Variants in CPAMD8 observed in about 807,000 individuals in gnomAD.
The protein encoded by CPAMD8 is C3 and PZP like alpha-2-macroglobulin domain containing 8.
A neutral mutation model predicts 224.7 loss-of-function variants in CPAMD8; 146 were observed. The ratio of observed to expected loss-of-function variants is 0.65; its 90% CI spans 0.57 to 0.75. The LOEUF (loss-of-function observed/expected upper bound fraction) is 0.75, where lower values mean the gene tolerates loss of function less well. Ranked by LOEUF, CPAMD8 falls within the 30% of genes least tolerant of loss-of-function variation. CPAMD8 has a pLI of 0.00. For synonymous variants in CPAMD8, 966 were observed against 1,044.6 expected, an observed-to-expected ratio of 0.92 and a Z score of 1.45; for missense variants, 2,301 against 2,537.5, an observed-to-expected ratio of 0.91 and a Z score of 2.00.
At position 16,925,211 on chromosome 19, in the gene CPAMD8, C is replaced by T. The variant is rs369535257; in HGVS notation, c.3532G>A (p.Asp1178Asn). ...TCCCCAATACCTTGTACTAGGTAGT[C>T]GGTGGTCTCTCTCTCCACCTCAGGG... is the stretch of plus-strand genomic sequence containing the variant. ...LSPEVERETT[D>N]YLVQGYQRQL... The change falls in exon 26 of 42, where the codon GAC (aspartate) becomes AAC (asparagine). Residue 1178 changes from aspartate (D) to asparagine (N), a missense_variant. Asp to Asn is a conservative substitution (Grantham distance 23). This residue lies in a region of CPAMD8 where 1,709 missense variants were observed against 1,753.2 expected (regional missense o/e 0.97). Coordinates refer to ENST00000443236, the MANE Select transcript of CPAMD8 (RefSeq NM_015692.5). The T allele has an allele frequency of 1.4e-5, 23 of 1,614,060 alleles. No homozygotes were observed. The highest frequency in any genetic ancestry group is 1.3e-4 in the Admixed American group (8 of 60,010).
chr19:16,895,880 C>A (rs1202788139), intron 41 of CPAMD8: 8 of 549,948 alleles, frequency 1.5e-5, no homozygotes, highest in South Asian at 9.2e-5. Context: ...ATCCTTGACC[C>A]GTATGCGCGC....
At chr19:16,991,576 C>T (rs536948527) in intron 12 of CPAMD8, among the ~76,000 whole-genome samples, 3 of 152,014 alleles carry the variant, frequency 2.0e-5, no homozygotes, top group South Asian at 4.2e-4. Flanking sequence ...GACAGTGGGC[C>T]GGGTACGGTG....
Position 16,929,135 on chromosome 19 carries a change from C to T in CPAMD8, c.2951G>A (p.Arg984His), listed in dbSNP as rs770629728. The T allele has an allele frequency of 4.9e-5, 79 of 1,613,922 alleles. 1 individual carries two copies. The highest frequency in any genetic ancestry group is 6.7e-5 in the East Asian group (3 of 44,900). ...DVAVRAHNDA[R>H]VALSSGPQDT... is the part of the protein sequence containing the mutation. ...CTGGGGCCCAGAAGACAAGGCCACA[C>T]GGGCATCATTGTGAGCTCGCACAGC... The change falls in exon 24 of 42, where the codon CGT (arginine) becomes CAT (histidine). Residue 984 changes from arginine to histidine, a missense_variant. By Grantham distance (29) the Arg-to-His change is conservative. Coordinates refer to ENST00000443236, the MANE Select transcript of CPAMD8 (RefSeq NM_015692.5).
intron 13 of CPAMD8, among the ~76,000 whole-genome samples, chr19:16,988,087 C>T (rs1174588045): frequency 6.6e-6 from 1 of 151,924 alleles, no homozygotes; most frequent in East Asian, 1.9e-4. Context: ...AAATAATAGA[C>T]CCAGGAAAAA....
At chr19:16,925,416 T>A in intron 25 of CPAMD8, 44 bp from the exon 26 acceptor site, 2 of 1,499,310 alleles carry the variant, frequency 1.3e-6, no homozygotes, top group Non-Finnish European at 1.9e-6. Context: ...CTGTCCCAGT[T>A]CAGTAGAGAA....
At chr19:16,974,520 G>T (rs957818860) in intron 17 of CPAMD8, among the ~76,000 whole-genome samples, 2 of 151,750 alleles carry the variant, frequency 1.3e-5, no homozygotes, top group African/African-American at 4.8e-5. Context: ...GGTTTTCCTC[G>T]CAGCAAAGCA....
In CPAMD8 at chr19:16,952,212, C is replaced by G. The variant is rs577982809; in HGVS notation, c.2277-12G>C. ...CACCAGATGGGTCACTGCGGAGAGA[C>G]AGACAGCCATGATGGGGGGCCCTTC... On this transcript the variant is annotated splice_polypyrimidine_tract_variant and intron_variant, in intron 19 of 41. Coordinates refer to ENST00000443236, the MANE Select transcript of CPAMD8 (RefSeq NM_015692.5). 3 of 1,442,692 alleles carry G rather than the reference C, an allele frequency of 2.1e-6. No homozygotes were observed. Among genetic ancestry groups the G allele is most frequent in the African/African-American group, 1.4e-5 (1 of 70,842 alleles). 89.4% of individuals were successfully genotyped at this position (1,442,692 alleles called of 1,614,324 possible).
At chr19:16,908,853 G>A (rs1027805645) in intron 29 of CPAMD8, among the ~76,000 whole-genome samples, 1 of 152,134 alleles carries the variant, frequency 6.6e-6, no homozygotes, top group African/African-American at 2.4e-5. Flanking sequence ...GCCTGGGGGT[G>A]GGGGAAGGTT....
At position 16,958,311 on chromosome 19, in the gene CPAMD8, C is replaced by T. The variant is rs533977380; in HGVS notation, c.2214-396G>A. 3.3e-5 allele frequency among the ~76,000 whole-genome samples: 5 copies of T among 152,142 alleles called. No individual in the cohort carries two copies. In the South Asian group the frequency reaches 6.2e-4, roughly 19 times the overall value. ...CCTCAAGTAGACCTGTGTCTGTTCC[C>T]CCTTTTGTTTCCATGTGTTCTCATC... On this transcript the variant is annotated intron_variant, in intron 18 of 41. Coordinates refer to ENST00000443236, the MANE Select transcript of CPAMD8 (RefSeq NM_015692.5).
intron 14 of CPAMD8, 91 bp from the exon 15 acceptor site, chr19:16,977,631 G>T: frequency 2.1e-6 from 2 of 941,834 alleles, no homozygotes; most frequent in Non-Finnish European, 3.1e-6. Context: ...TTTGCCCTGC[G>T]CTATGCTCCT....
chr19:17,023,893 A>G (rs185773679), intron 1 of CPAMD8, among the ~76,000 whole-genome samples: 262 of 152,286 alleles, frequency 1.7e-3, no homozygotes, highest in African/African-American at 6.0e-3. Context: ...GTGTCTCTAG[A>G]ACAACCCAAC....
At chr19:16,990,602 C>T (rs1037471955) in intron 12 of CPAMD8, among the ~76,000 whole-genome samples, 3 of 151,976 alleles carry the variant, frequency 2.0e-5, no homozygotes, top group Non-Finnish European at 2.9e-5. Flanking sequence ...CGATGGCTCA[C>T]GCCTGTAATC....
At chr19:16,906,407 TTTCCTTCC>T (rs553500267) in intron 30 of CPAMD8, among the ~76,000 whole-genome samples, 101 of 69,876 alleles carry the variant, frequency 1.4e-3, no homozygotes, top group East Asian at 2.2e-3. Context: ...TCTTTCTTTC[TTTCCTTCC>T]TTCCTTCCTT....
At position 16,904,506 on chromosome 19, in the gene CPAMD8, C is replaced by T; in HGVS notation, c.4074G>A (p.Lys1358=). 1 of 1,614,142 alleles carries T rather than the reference C, an allele frequency of 6.2e-7. No homozygotes were observed. Among genetic ancestry groups the T allele is most frequent in the Non-Finnish European group, 8.5e-7 (1 of 1,179,994 alleles). Residue 1358 remains lysine (K), a synonymous_variant, in exon 31 of 42, where the codon AAG becomes AAA. Coordinates refer to ENST00000443236, the MANE Select transcript of CPAMD8 (RefSeq NM_015692.5). ...WSLSNSWDVD[K]GTFLSFSDRV... is the part of the protein sequence containing the mutation. ...TGTCACTGAAGCTCAAGAATGTGCC[C>T]TTGTCCACGTCCCAGGAATTTGACA...
At chr19:17,004,826 C>T (rs1353195023) in intron 7 of CPAMD8, among the ~76,000 whole-genome samples, 2 of 152,126 alleles carry the variant, frequency 1.3e-5, no homozygotes, top group East Asian at 1.9e-4. Flanking sequence ...CACCCCTGGC[C>T]TCCACCCAAC....
At chr19:16,894,921 AACACACACACACAC>A (rs3032709) in intron 41 of CPAMD8, 10 of 151,600 alleles carry the variant, frequency 6.6e-5, no homozygotes, top group Non-Finnish European at 9.5e-5. Flanking sequence ...CCATCTCTAC[AACACACACACACAC>A]ACACACACAC....
At chr19:16,947,561 G>A (rs982736942) in intron 20 of CPAMD8, among the ~76,000 whole-genome samples, 4 of 152,268 alleles carry the variant, frequency 2.6e-5, no homozygotes, top group Admixed American at 6.5e-5. Context: ...CATCCACTCC[G>A]GGACTCCAGA....
At chr19:16,901,585 A>T (rs1221789148) in intron 35 of CPAMD8, among the ~76,000 whole-genome samples, 1 of 152,192 alleles carries the variant, frequency 6.6e-6, no homozygotes, top group African/African-American at 2.4e-5. Flanking sequence ...CTGTGTCCCC[A>T]GCCTGGGAAG....
intron 27 of CPAMD8, among the ~76,000 whole-genome samples, chr19:16,919,925 T>C (rs1413640784): frequency 6.6e-6 from 1 of 152,178 alleles, no homozygotes; most frequent in African/African-American, 2.4e-5. Flanking sequence ...GCTTATCCCA[T>C]GGATCCAGGT....
Sources: gnomAD v4.1 joint callset for allele counts (sites outside exome capture counted in the v4.1 genomes callset) on GRCh38, gnomAD v4.1.1 for gene constraint, gnomAD v4.1.1 regional missense constraint, MANE v1.5 for transcripts, NCBI Gene and HGNC (gene_info 2026-07-23, HGNC 2026-07-21) for gene names.